The following MACROD2 variants were observed in gnomAD, a reference collection of about 807,000 sequenced individuals.
The protein encoded by MACROD2 is ADP-ribose glycohydrolase MACROD2.
In MACROD2, 36 loss-of-function variants were observed where a neutral mutation model predicts 70.4. That is an observed-to-expected ratio of 0.51 (90% CI 0.39 to 0.68). The LOEUF (loss-of-function observed/expected upper bound fraction) is 0.68. Among genes scored for constraint, MACROD2 ranks in the 30% least tolerant of loss-of-function variants. MACROD2 has a pLI of 0.00. For synonymous variants in MACROD2, 172 were observed against 178.8 expected (o/e 0.96, Z 0.30); for missense variants, 496 against 538.4 (o/e 0.92, Z 0.78).
At chr20:15,963,425 C>T (rs1406362522) in intron 12 of MACROD2, among the ~76,000 whole-genome samples, 1 of 152,160 alleles carries the variant, frequency 6.6e-6, no homozygotes, top group Non-Finnish European at 1.5e-5. Context: ...GTGAATCATG[C>T]AGTTAGTTTT....
intron 3 of MACROD2, among the ~76,000 whole-genome samples, chr20:14,416,003 G>A (rs1252097114): frequency 6.7e-6 from 1 of 149,698 alleles, no homozygotes; most frequent in African/African-American, 2.5e-5. Context: ...TCTGTTGCCA[G>A]ACTGGAGTGC....
At chr20:14,140,483 A>G (rs1346818809) in intron 3 of MACROD2, among the ~76,000 whole-genome samples, 1 of 152,212 alleles carries the variant, frequency 6.6e-6, no homozygotes, top group Admixed American at 6.5e-5. Flanking sequence ...GATTCATACA[A>G]CTAGAAAGGG....
chr20:14,677,076 C>A (rs2070870735), intron 4 of MACROD2, among the ~76,000 whole-genome samples: 2 of 152,108 alleles, frequency 1.3e-5, no homozygotes. Flanking sequence ...CTGCTCAATG[C>A]TTTGCAGCTT....
intron 5 of MACROD2, among the ~76,000 whole-genome samples, chr20:14,983,772 G>T (rs997624714): frequency 6.6e-6 from 1 of 152,160 alleles, no homozygotes; most frequent in East Asian, 1.9e-4. Context: ...GCTAATATGT[G>T]TGTGTGTGCA....
At chr20:14,202,643 G>A (rs983166154) in intron 3 of MACROD2, among the ~76,000 whole-genome samples, 5 of 152,258 alleles carry the variant, frequency 3.3e-5, no homozygotes, top group Admixed American at 6.5e-5. Flanking sequence ...AATATAAGAA[G>A]AAAAGAAGTG....
rs552156898 is a variant in MACROD2 at position 14,431,936 on chromosome 20, T to C, written c.272-61543T>C. On this transcript the variant is annotated intron_variant, in intron 3 of 17. Transcript: ENST00000684519. Reference sequence around the variant, plus strand: ...CAGGATGTGAAATGGTTAAGTATTATATTTAGAGTACTTCCACAGCAGAGG... The same window carrying C: ...CAGGATGTGAAATGGTTAAGTATTACATTTAGAGTACTTCCACAGCAGAGG... Among the ~76,000 whole-genome samples, 9 of 152,292 alleles carry C rather than the reference T, an allele frequency of 5.9e-5. No individual in the cohort carries two copies. In the South Asian group the frequency reaches 1.9e-3, roughly 32 times the overall value.
At chr20:15,512,615 G>T (rs527659293) in intron 8 of MACROD2, among the ~76,000 whole-genome samples, 2 of 152,104 alleles carry the variant, frequency 1.3e-5, no homozygotes, top group African/African-American at 2.4e-5. Flanking sequence ...GGACATGAAG[G>T]TGCCATTAAG....
At chr20:14,923,804 C>CG (rs1465994245) in intron 5 of MACROD2, among the ~76,000 whole-genome samples, 5 of 5,660 alleles carry the variant, frequency 8.8e-4, no homozygotes, top group Admixed American at 7.2e-3. Context: ...GAGGGGGGGG[C>CG]GGCGGGGCGG....
intron 5 of MACROD2, among the ~76,000 whole-genome samples, chr20:14,688,039 A>C (rs2071022461): frequency 6.6e-6 from 1 of 152,112 alleles, no homozygotes; most frequent in South Asian, 2.1e-4. Flanking sequence ...TGGTTCATCC[A>C]TTTCAGAGTC....
intron 5 of MACROD2, among the ~76,000 whole-genome samples, chr20:14,732,145 A>G (rs2071606201): frequency 6.6e-6 from 1 of 152,216 alleles, no homozygotes; most frequent in African/African-American, 2.4e-5. Context: ...GGGAATATTT[A>G]TAGTCCAGTA....
At chr20:14,138,759 T>A (rs2054831978) in intron 3 of MACROD2, among the ~76,000 whole-genome samples, 1 of 132,690 alleles carries the variant, frequency 7.5e-6, no homozygotes, top group Non-Finnish European at 1.6e-5. Flanking sequence ...AGATCTTAAG[T>A]TTTCCACACA....
intron 5 of MACROD2, among the ~76,000 whole-genome samples, chr20:14,879,228 C>T (rs566614308): frequency 2.0e-5 from 3 of 152,196 alleles, no homozygotes; most frequent in South Asian, 4.2e-4. Context: ...TCACTAACAA[C>T]CCATTCTGAT....
At chr20:14,335,124 A>G (rs1362732388) in intron 3 of MACROD2, among the ~76,000 whole-genome samples, 1 of 152,186 alleles carries the variant, frequency 6.6e-6, no homozygotes, top group Admixed American at 6.5e-5. Context: ...AATAATCCAG[A>G]AAAAGGAGGA....
rs138966529 is a variant in MACROD2 at position 15,809,420 on chromosome 20, G to C, written c.646-53325G>C. Reference sequence around the variant, plus strand: ...AATTTATTAGCTCACGGTTCTGCAGGCTGTACAAGAAGCACGGCTTCAGCA... The same window carrying C: ...AATTTATTAGCTCACGGTTCTGCAGCCTGTACAAGAAGCACGGCTTCAGCA... On this transcript the variant is annotated intron_variant, in intron 8 of 17. Transcript: ENST00000684519. 1.0e-3 allele frequency among the ~76,000 whole-genome samples: 156 copies of C among 152,296 alleles called. 3 individuals carry two copies. In the East Asian group the frequency reaches 0.027, roughly 27 times the overall value.
chr20:14,680,056 G>C (rs1282688666), intron 4 of MACROD2, among the ~76,000 whole-genome samples: 1 of 152,200 alleles, frequency 6.6e-6, no homozygotes, highest in Non-Finnish European at 1.5e-5. Flanking sequence ...CATATGGTAA[G>C]TGGCTGAGAG....
intron 3 of MACROD2, among the ~76,000 whole-genome samples, chr20:14,164,609 C>G (rs1362908491): frequency 2.6e-5 from 4 of 151,768 alleles, no homozygotes; most frequent in South Asian, 2.1e-4. Flanking sequence ...GGGCCTGTCT[C>G]CAGGGCCTTA....
rs187316142 is a variant in MACROD2 at position 15,202,990 on chromosome 20, T to G, written c.419-26950T>G. Among the ~76,000 whole-genome samples the G allele has an allele frequency of 5.0e-4, 76 of 152,316 alleles. 2 individuals are homozygous for G. Among genetic ancestry groups the G allele is most frequent in the African/African-American group, 1.7e-3 (72 of 41,584 alleles). ...AGTGAACTTAGCTAAATATTAAGTT[T>G]CTGTTACTTTGAAGAAAGAAGAAAA... is the stretch of plus-strand genomic sequence containing the variant. On this transcript the variant is annotated intron_variant, in intron 5 of 17. Transcript: ENST00000684519.
intron 8 of MACROD2, among the ~76,000 whole-genome samples, chr20:15,840,610 ATAT>A (rs2064159914): frequency 6.6e-6 from 1 of 152,180 alleles, no homozygotes; most frequent in African/African-American, 2.4e-5. Context: ...AAAGGACAAA[ATAT>A]TATTATAAGC....
intron 2 of MACROD2, among the ~76,000 whole-genome samples, chr20:14,067,123 G>GTTTTTTTTTTTTTTTTTT: frequency 1.2e-5 from 1 of 85,048 alleles, no homozygotes; most frequent in Non-Finnish European, 2.3e-5. Context: ...ATTTTTTAGT[G>GTTTTTTTTTTTTTTTTTT]TTTTTTTTTT....
Sources: gnomAD v4.1 joint callset for allele counts (sites outside exome capture counted in the v4.1 genomes callset) on GRCh38, gnomAD v4.1.1 for gene constraint, MANE v1.5 for transcripts, NCBI Gene and HGNC (gene_info 2026-07-23, HGNC 2026-07-21) for gene names.